The following FNDC3A variants were observed in gnomAD, a reference collection of about 807,000 sequenced individuals.
FNDC3A encodes fibronectin type III domain containing 3A, also known as fibronectin type-III domain-containing protein 3A.
In FNDC3A, 32 loss-of-function variants were observed where a neutral mutation model predicts 148.9. The ratio of observed to expected loss-of-function variants is 0.21; its 90% CI spans 0.16 to 0.29. The LOEUF (loss-of-function observed/expected upper bound fraction) is 0.29, where lower values mean the gene tolerates loss of function less well. FNDC3A is among the 10% of genes least tolerant of loss of function. The probability of loss-of-function intolerance (pLI) is 1.00; values close to 1 mark genes in which losing one functional copy is unlikely to be tolerated. For missense variants in FNDC3A, 1,191 were observed against 1,452.8 expected, an observed-to-expected ratio of 0.82 and a Z score of 2.93; for synonymous variants, 472 against 473.6, an observed-to-expected ratio of 1.00 and a Z score of 0.04.
intron 3 of FNDC3A, 105 bp downstream of exon 3, chr13:49,075,469 C>T (rs1269108483): frequency 4.7e-6 from 3 of 640,188 alleles, no homozygotes; most frequent in Non-Finnish European, 8.4e-6. Flanking sequence ...TTTCTCACTA[C>T]CAGCACACAA....
chr13:49,091,296 A>AT (rs1478704862), intron 3 of FNDC3A, among the ~76,000 whole-genome samples: 9 of 151,134 alleles, frequency 6.0e-5, no homozygotes, highest in African/African-American at 2.2e-4. Context: ...ATAAACAGAA[A>AT]TTGTTCATGA....
At chr13:49,199,763 G>A (rs1030875871) in intron 23 of FNDC3A, among the ~76,000 whole-genome samples, 8 of 152,144 alleles carry the variant, frequency 5.3e-5, no homozygotes, top group Admixed American at 3.9e-4. Context: ...GTTTTTCACT[G>A]TGTGATCTCA....
At chr13:49,113,541 G>A (rs889608754) in intron 3 of FNDC3A, among the ~76,000 whole-genome samples, 4 of 151,942 alleles carry the variant, frequency 2.6e-5, no homozygotes, top group Non-Finnish European at 5.9e-5. Context: ...AGAGTTACTT[G>A]TTTTCTACCC....
intron 3 of FNDC3A, among the ~76,000 whole-genome samples, chr13:49,081,335 G>A (rs1878455561): frequency 6.6e-6 from 1 of 152,150 alleles, no homozygotes; most frequent in African/African-American, 2.4e-5. Flanking sequence ...ATTTTTATAT[G>A]CTCTGGCTCC....
At chr13:49,022,806 A>T (rs1350100918) in intron 2 of FNDC3A, among the ~76,000 whole-genome samples, 1 of 152,094 alleles carries the variant, frequency 6.6e-6, no homozygotes, top group Non-Finnish European at 1.5e-5. Flanking sequence ...TTTTTCTCCC[A>T]CACGTCTGCA....
chr13:49,060,262 G>C (rs777215212), intron 2 of FNDC3A, among the ~76,000 whole-genome samples: 2 of 152,206 alleles, frequency 1.3e-5, no homozygotes, highest in African/African-American at 2.4e-5. Flanking sequence ...ATAGCCAGAA[G>C]GTGGAAATAG....
intron 3 of FNDC3A, among the ~76,000 whole-genome samples, chr13:49,089,255 T>G (rs2057847631): frequency 6.6e-6 from 1 of 152,232 alleles, no homozygotes; most frequent in Non-Finnish European, 1.5e-5. Context: ...AAAAACCATT[T>G]TTAAAGCAGC....
At chr13:49,082,759 A>G (rs1299375732) in intron 3 of FNDC3A, among the ~76,000 whole-genome samples, 1 of 152,054 alleles carries the variant, frequency 6.6e-6, no homozygotes, top group Non-Finnish European at 1.5e-5. Flanking sequence ...CAGACTGAAG[A>G]GGGAATTCAC....
At chr13:49,125,164 G>A (rs1173512714) in intron 4 of FNDC3A, among the ~76,000 whole-genome samples, 4 of 152,130 alleles carry the variant, frequency 2.6e-5, no homozygotes, top group Non-Finnish European at 5.9e-5. Flanking sequence ...ATGATGGCAC[G>A]CAGGAGTGAG....
At chr13:48,996,182 A>G (rs936116708) in intron 1 of FNDC3A, among the ~76,000 whole-genome samples, 1 of 152,212 alleles carries the variant, frequency 6.6e-6, no homozygotes, top group African/African-American at 2.4e-5. Context: ...CCATATCCAT[A>G]TTATAAAAAA....
chr13:49,187,383 T>C, intron 16 of FNDC3A, 193 bp downstream of exon 16: 2 of 859,590 alleles, frequency 2.3e-6, no homozygotes, highest in South Asian at 2.9e-5. Context: ...GACAAACATA[T>C]CTAGTATGCC....
intron 2 of FNDC3A, among the ~76,000 whole-genome samples, chr13:49,007,889 G>A (rs749214201): frequency 4.6e-5 from 7 of 152,152 alleles, no homozygotes; most frequent in African/African-American, 7.2e-5. Context: ...AGCAGGTTGC[G>A]TGTAGTTCGG....
chr13:49,197,418 T>C (rs1886207186), intron 20 of FNDC3A, among the ~76,000 whole-genome samples: 1 of 152,256 alleles, frequency 6.6e-6, no homozygotes, highest in African/African-American at 2.4e-5. Flanking sequence ...AAAATGTGTG[T>C]ATGCTTTTAA....
intron 3 of FNDC3A, among the ~76,000 whole-genome samples, chr13:49,088,711 C>A (rs920022275): frequency 1.3e-5 from 2 of 151,956 alleles, no homozygotes; most frequent in African/African-American, 4.8e-5. Context: ...CTAGTACTTC[C>A]TTCTCAGTCT....
At chr13:49,167,350 T>A (rs755719142) in intron 9 of FNDC3A, 47 bp downstream of exon 9, 8 of 883,488 alleles carry the variant, frequency 9.1e-6, no homozygotes, top group Non-Finnish European at 1.0e-5. Flanking sequence ...GCATAAGGGG[T>A]TTTTTTTTTA....
chr13:49,183,823 G>A (rs1318240827), intron 14 of FNDC3A, among the ~76,000 whole-genome samples: 2 of 152,166 alleles, frequency 1.3e-5, no homozygotes, highest in African/African-American at 4.8e-5. Flanking sequence ...ATTTGGGGTG[G>A]TAGATTTACT....
intron 2 of FNDC3A, among the ~76,000 whole-genome samples, chr13:49,016,680 T>C (rs1872810152): frequency 6.6e-6 from 1 of 152,198 alleles, no homozygotes; most frequent in Admixed American, 6.5e-5. Context: ...TCTAATTCTT[T>C]TAATTGTGAT....
intron 16 of FNDC3A, chr13:49,187,686 T>G: frequency 1.3e-6 from 2 of 1,561,276 alleles, no homozygotes; most frequent in Non-Finnish European, 1.8e-6. Flanking sequence ...TGCTGGAAGC[T>G]CTGCGAAAGG....
At chr13:49,007,652 C>A (rs1250089474) in intron 2 of FNDC3A, among the ~76,000 whole-genome samples, 1 of 152,092 alleles carries the variant, frequency 6.6e-6, no homozygotes, top group Non-Finnish European at 1.5e-5. Flanking sequence ...TTCTCTCCTT[C>A]CCCCAGAAGG....
Sources: gnomAD v4.1 joint callset for allele counts (sites outside exome capture counted in the v4.1 genomes callset) on GRCh38, gnomAD v4.1.1 for gene constraint, MANE v1.5 for transcripts, NCBI Gene and HGNC (gene_info 2026-07-23, HGNC 2026-07-21) for gene names.